Variants in ERC2 observed in about 807,000 individuals in gnomAD.
The protein encoded by ERC2 is ELKS/RAB6-interacting/CAST family member 2, also known as ERC protein 2.
ERC2 carries 42 observed loss-of-function variants against 114.8 expected under a neutral mutation model. The ratio of observed to expected loss-of-function variants is 0.37; its 90% CI spans 0.29 to 0.47. The LOEUF (loss-of-function observed/expected upper bound fraction) is 0.47, where lower values mean the gene tolerates loss of function less well. Ranked by LOEUF, ERC2 falls within the 20% of genes least tolerant of loss-of-function variation. ERC2 has a pLI of 0.99. For missense variants in ERC2, 939 were observed against 1,150.7 expected (o/e 0.82, Z 2.66); for synonymous variants, 454 against 425.5 (o/e 1.07, Z -0.82).
chr3:55,513,409 C>T (rs1019620913), intron 17 of ERC2, among the ~76,000 whole-genome samples: 19 of 152,136 alleles, frequency 1.2e-4, no homozygotes, highest in Admixed American at 2.0e-4. Flanking sequence ...CTCTCACAAG[C>T]GTGTCTCTCT....
intron 17 of ERC2, among the ~76,000 whole-genome samples, chr3:55,556,255 C>T (rs2055597642): frequency 1.3e-5 from 2 of 152,250 alleles, no homozygotes; most frequent in South Asian, 2.1e-4. Context: ...GCCTGAGTAC[C>T]CTTTCTCTCA....
Position 56,007,230 on chromosome 3 carries a change from A to G in ERC2, c.2012T>C (p.Ile671Thr). 1 of 1,582,136 alleles carries G rather than the reference A, an allele frequency of 6.3e-7. No homozygotes were observed. Among genetic ancestry groups the G allele is most frequent in the Non-Finnish European group, 8.6e-7 (1 of 1,162,444 alleles). ...DSKLKSLEIA[I>T]EQKKEECSKL... ...GCTACATTCCTCTTTCTTTTGTTCA[A>G]TGGCTATTTCTAGAGATTTTAATTT... Residue 671 changes from isoleucine to threonine, a missense_variant, in exon 10 of 18, where the codon ATT (isoleucine) becomes ACT (threonine). By Grantham distance (89) the Ile-to-Thr change is moderately conservative. Coordinates refer to ENST00000288221, the MANE Select transcript of ERC2 (RefSeq NM_015576.3).
chr3:55,813,216 C>G (rs145551595), intron 14 of ERC2, among the ~76,000 whole-genome samples: 1 of 152,184 alleles, frequency 6.6e-6, no homozygotes, highest in Non-Finnish European at 1.5e-5. Context: ...TATACTAGTT[C>G]GGTTACCTAT....
At chr3:56,004,419 T>C (rs1371926071) in intron 10 of ERC2, among the ~76,000 whole-genome samples, 1 of 152,024 alleles carries the variant, frequency 6.6e-6, no homozygotes, top group Non-Finnish European at 1.5e-5. Context: ...CATTTATAAG[T>C]AGTGGGATGG....
intron 3 of ERC2, among the ~76,000 whole-genome samples, chr3:56,261,063 C>T (rs2052888790): frequency 6.6e-6 from 1 of 152,210 alleles, no homozygotes; most frequent in Admixed American, 6.5e-5. Context: ...CAGCTCTAAA[C>T]TTTCCTTGGT....
chr3:55,807,058 C>T (rs1559686383), intron 14 of ERC2, among the ~76,000 whole-genome samples: 1 of 152,156 alleles, frequency 6.6e-6, no homozygotes, highest in Non-Finnish European at 1.5e-5. Flanking sequence ...ATCATCTACC[C>T]TACACAAGAG....
intron 14 of ERC2, among the ~76,000 whole-genome samples, chr3:55,800,011 G>T (rs1037669956): frequency 6.6e-6 from 1 of 152,184 alleles, no homozygotes; most frequent in Non-Finnish European, 1.5e-5. Flanking sequence ...ATCAAGGACC[G>T]AGATGACTTC....
chr3:56,201,734 T>C (rs2048419597), intron 3 of ERC2, among the ~76,000 whole-genome samples: 1 of 152,174 alleles, frequency 6.6e-6, no homozygotes, highest in South Asian at 2.1e-4. Context: ...AGACAATATA[T>C]AACTATCGGA....
intron 17 of ERC2, among the ~76,000 whole-genome samples, chr3:55,670,076 G>A (rs1559476893): frequency 6.6e-6 from 1 of 152,174 alleles, no homozygotes; most frequent in African/African-American, 2.4e-5. Flanking sequence ...CCACTATTAC[G>A]TTTGATCTTC....
At chr3:55,610,067 A>C (rs1483028093) in intron 17 of ERC2, among the ~76,000 whole-genome samples, 5 of 80,296 alleles carry the variant, frequency 6.2e-5, no homozygotes, top group African/African-American at 2.2e-4. Flanking sequence ...ACACAAACAA[A>C]AAAAAAAAAA....
chr3:55,868,316 C>T (rs1331926067), intron 14 of ERC2, among the ~76,000 whole-genome samples: 2 of 152,164 alleles, frequency 1.3e-5, no homozygotes, highest in Non-Finnish European at 2.9e-5. Context: ...ATATAATCCA[C>T]ATCTAAAAAG....
At chr3:56,054,655 C>T (rs575731072) in intron 7 of ERC2, among the ~76,000 whole-genome samples, 3 of 152,246 alleles carry the variant, frequency 2.0e-5, no homozygotes, top group South Asian at 4.1e-4. Context: ...GAGCAAACTG[C>T]GGCTTCAAGG....
Position 56,173,487 on chromosome 3 carries a change from G to T in ERC2, c.1108C>A (p.Pro370Thr). ...GTCTGGAGAGCCTTCGTCTTGGCTG[G>T]CTCCGGCTGAAGTTGGCTTCTTCGG... ...LHRRSQLQPE[P>T]AKTKALQTVI... The change falls in exon 4 of 18, where the codon CCA becomes ACA. Residue 370 changes from proline to threonine, a missense_variant. Pro to Thr is a conservative substitution (Grantham distance 38, BLOSUM62 -1). Transcript: ENST00000288221. The T allele has an allele frequency of 6.2e-7, 1 of 1,613,880 alleles. No individual in the cohort carries two copies. The highest frequency in any genetic ancestry group is 1.1e-5 in the South Asian group (1 of 91,076).
chr3:55,837,971 T>TAA (rs59297667), intron 14 of ERC2, among the ~76,000 whole-genome samples: 4,775 of 149,960 alleles, frequency 0.032, 116 homozygotes, highest in Middle Eastern at 0.061. Context: ...TACCAGGAAT[T>TAA]AAAAAAAAAG....
chr3:55,643,568 G>A (rs921317159), intron 17 of ERC2, among the ~76,000 whole-genome samples: 14 of 152,240 alleles, frequency 9.2e-5, no homozygotes, highest in East Asian at 5.8e-4. Flanking sequence ...CACTTTCCTC[G>A]TCTGTAAGAT....
chr3:55,649,574 A>C (rs1212365990), intron 17 of ERC2, among the ~76,000 whole-genome samples: 1 of 152,148 alleles, frequency 6.6e-6, no homozygotes, highest in Non-Finnish European at 1.5e-5. Context: ...ATTTTTTAAA[A>C]TAATGCCTTT....
At chr3:55,978,025 G>A (rs145654467) in intron 12 of ERC2, among the ~76,000 whole-genome samples, 3 of 152,284 alleles carry the variant, frequency 2.0e-5, no homozygotes, top group Non-Finnish European at 2.9e-5. Context: ...TGTCTCTCAC[G>A]ATGCTGCTTC....
chr3:55,995,238 C>A (rs2071415203), intron 10 of ERC2, among the ~76,000 whole-genome samples: 1 of 152,086 alleles, frequency 6.6e-6, no homozygotes, highest in African/African-American at 2.4e-5. Flanking sequence ...GAGGCTGAGG[C>A]AAGAGAATTG....
intron 7 of ERC2, among the ~76,000 whole-genome samples, chr3:56,073,148 G>A (rs1450872286): frequency 2.0e-5 from 3 of 152,134 alleles, no homozygotes; most frequent in Non-Finnish European, 4.4e-5. Context: ...AGGTAAAAAT[G>A]TTATGCATTT....
Sources: gnomAD v4.1 joint callset for allele counts (sites outside exome capture counted in the v4.1 genomes callset) on GRCh38, gnomAD v4.1.1 for gene constraint, MANE v1.5 for transcripts, NCBI Gene and HGNC (gene_info 2026-07-23, HGNC 2026-07-21) for gene names.